The following CDH20 variants were observed in gnomAD, a reference collection of about 807,000 sequenced individuals.
CDH20 encodes the protein cadherin 20.
CDH20 carries 29 observed loss-of-function variants against 74.2 expected under a neutral mutation model. That is an observed-to-expected ratio of 0.39 (90% confidence interval 0.29 to 0.53). CDH20 has a LOEUF of 0.53. CDH20 is among the 20% of genes least tolerant of loss of function. CDH20 has a pLI of 0.69. For missense variants in CDH20, 988 were observed against 1,048.3 expected (o/e 0.94, Z 0.79); for synonymous variants, 469 against 405.4 (o/e 1.16, Z -1.88).
intron 1 of CDH20, among the ~76,000 whole-genome samples, chr18:61,460,700 A>G (rs1056244125): frequency 4.6e-5 from 7 of 152,168 alleles, no homozygotes. Flanking sequence ...CTCAAAATAA[A>G]TTTGAGACTT....
rs201850290 is a variant in CDH20 at position 61,490,771 on chromosome 18, C to T, written c.218C>T (p.Thr73Ile). The T allele has an allele frequency of 1.9e-6, 3 of 1,614,150 alleles. No individual in the cohort carries two copies. Among genetic ancestry groups the T allele is most frequent in the East Asian group, 2.2e-5 (1 of 44,878 alleles). The change falls in exon 2 of 12, where the codon ACT (threonine) becomes ATT (isoleucine). Residue 73 changes from threonine to isoleucine, a missense_variant. This residue lies in a region of CDH20 where 613 missense variants were observed against 755.2 expected (regional missense o/e 0.81). Coordinates refer to ENST00000262717, the MANE Select transcript of CDH20 (RefSeq NM_031891.4). Reference protein sequence around the residue: ...WNQFFVLEEYTGTDPLYVGKL... With the variant: ...WNQFFVLEEYIGTDPLYVGKL... ...CAGTTTTTCGTTCTGGAAGAGTACA[C>T]TGGGACCGACCCTTTGTATGTCGGC...
chr18:61,342,808 G>T (rs1024853320), intron 1 of CDH20, among the ~76,000 whole-genome samples: 2 of 152,044 alleles, frequency 1.3e-5, no homozygotes, highest in Non-Finnish European at 2.9e-5. Context: ...AGTTCCCATG[G>T]TTACATCAGC....
intron 1 of CDH20, among the ~76,000 whole-genome samples, chr18:61,388,602 A>G (rs1471924382): frequency 2.6e-5 from 4 of 152,196 alleles, no homozygotes; most frequent in Non-Finnish European, 5.9e-5. Context: ...CTCACAGCTC[A>G]TTATTTTTCA....
chr18:61,357,462 A>G (rs1910531422), intron 1 of CDH20, among the ~76,000 whole-genome samples: 1 of 152,178 alleles, frequency 6.6e-6, no homozygotes, highest in African/African-American at 2.4e-5. Flanking sequence ...CTGCTCAACA[A>G]AATCATTAAG....
rs150072548 is a variant in CDH20, at chr18:61,499,212, C to T, written c.273C>T (p.Asp91=). ...GKLHSDMDRG[D]GSIKYILSGE... ...TTCATTCAGATATGGACAGGGGAGA[C>T]GGATCCATCAAATACATCCTCTCGG... Residue 91 remains aspartate (D), a synonymous_variant, in exon 3 of 12, where the codon GAC becomes GAT. Coordinates refer to ENST00000262717, the MANE Select transcript of CDH20 (RefSeq NM_031891.4). 5.5e-5 allele frequency: 88 copies of T among 1,598,344 alleles called. No homozygotes were observed. Among genetic ancestry groups the T allele is most frequent in the Middle Eastern group, 3.3e-4 (2 of 5,992 alleles).
chr18:61,481,683 A>G (rs771936366), intron 1 of CDH20, among the ~76,000 whole-genome samples: 1 of 152,136 alleles, frequency 6.6e-6, no homozygotes, highest in East Asian at 1.9e-4. Flanking sequence ...GCCATTGCCC[A>G]TACACATTAG....
intron 1 of CDH20, among the ~76,000 whole-genome samples, chr18:61,488,701 G>A (rs921745954): frequency 9.3e-6 from 1 of 107,906 alleles, no homozygotes; most frequent in African/African-American, 3.6e-5. Context: ...ACAGCATTCT[G>A]GCAGTGGCTT....
At chr18:61,406,748 A>T (rs1051227244) in intron 1 of CDH20, among the ~76,000 whole-genome samples, 2 of 152,222 alleles carry the variant, frequency 1.3e-5, no homozygotes, top group Non-Finnish European at 2.9e-5. Flanking sequence ...GGAGGAATTC[A>T]GGCAGAGGAT....
chr18:61,333,823 G>C lies in CDH20; in HGVS notation c.-157G>C, dbSNP rs1446267388. On this transcript the variant is annotated 5_prime_UTR_variant, in exon 1 of 12. Transcript: ENST00000262717. ...AGGTCTCCGGAGAGTCGCCGGCGGT[G>C]CCAGGTAACGCAGAGGGCTCGGGTC... The C allele has an allele frequency of 6.6e-6, 1 of 152,216 alleles. No homozygotes were observed. Among genetic ancestry groups the C allele is most frequent in the Non-Finnish European group, 1.5e-5 (1 of 68,100 alleles). The allele number at this position is 152,216 out of a possible 1,614,324, so 9.4% of individuals were successfully genotyped here.
intron 10 of CDH20, among the ~76,000 whole-genome samples, chr18:61,546,961 CAGG>C (rs1279932038): frequency 6.6e-6 from 1 of 152,152 alleles, no homozygotes; most frequent in Non-Finnish European, 1.5e-5. Flanking sequence ...GAGGCTGAGG[CAGG>C]AGAACTGCTT....
At chr18:61,369,516 G>A (rs930835618) in intron 1 of CDH20, among the ~76,000 whole-genome samples, 1 of 152,064 alleles carries the variant, frequency 6.6e-6, no homozygotes, top group African/African-American at 2.4e-5. Context: ...TATATTCCAT[G>A]TTTATATTGT....
chr18:61,472,793 G>A (rs1466610017), intron 1 of CDH20, among the ~76,000 whole-genome samples: 1 of 152,112 alleles, frequency 6.6e-6, no homozygotes, highest in East Asian at 1.9e-4. Flanking sequence ...TCTTTATCTC[G>A]ACTTGATTTG....
intron 2 of CDH20, among the ~76,000 whole-genome samples, chr18:61,497,001 C>T (rs547484796): frequency 6.6e-6 from 1 of 151,170 alleles, no homozygotes; most frequent in East Asian, 1.9e-4. Context: ...TTGTTTGTGC[C>T]CAGGTCCAAA....
At chr18:61,438,450 G>T (rs924514344) in intron 1 of CDH20, among the ~76,000 whole-genome samples, 2 of 152,098 alleles carry the variant, frequency 1.3e-5, no homozygotes, top group African/African-American at 2.4e-5. Flanking sequence ...GACAGGCAGA[G>T]GTTACCTTTA....
At chr18:61,470,580 G>T (rs186382624) in intron 1 of CDH20, among the ~76,000 whole-genome samples, 1 of 151,528 alleles carries the variant, frequency 6.6e-6, no homozygotes, top group African/African-American at 2.4e-5. Flanking sequence ...ACGCCTTAAC[G>T]GGAAAAAGAG....
At chr18:61,377,418 T>C (rs1911274288) in intron 1 of CDH20, among the ~76,000 whole-genome samples, 2 of 151,606 alleles carry the variant, frequency 1.3e-5, no homozygotes, top group South Asian at 4.2e-4. Flanking sequence ...GCCACATAAG[T>C]TTCCATTACT....
At position 61,532,775 on chromosome 18, in the gene CDH20, C is replaced by T. The variant is rs570363209; in HGVS notation, c.1272-3718C>T. On this transcript the variant is annotated intron_variant, in intron 7 of 11. Coordinates refer to ENST00000262717, the MANE Select transcript of CDH20 (RefSeq NM_031891.4). ...ATTCCCTCCAAAATTGCTGCTTCTC[C>T]GTCTCTACAACGTTAAGATATGGAT... 6.6e-5 allele frequency among the ~76,000 whole-genome samples: 10 copies of T among 152,220 alleles called. No homozygotes were observed. In the East Asian group the frequency reaches 1.7e-3, roughly 26 times the overall value.
intron 1 of CDH20, among the ~76,000 whole-genome samples, chr18:61,336,184 G>A (rs1209084449): frequency 6.6e-6 from 1 of 152,196 alleles, no homozygotes; most frequent in Non-Finnish European, 1.5e-5. Flanking sequence ...GAAAGCAGTT[G>A]AGCAGCATAG....
At chr18:61,392,135 C>T (rs953484772) in intron 1 of CDH20, among the ~76,000 whole-genome samples, 1 of 152,122 alleles carries the variant, frequency 6.6e-6, no homozygotes, top group Non-Finnish European at 1.5e-5. Context: ...TCTTGCCTCT[C>T]TCTCCCACTT....
Sources: allele counts gnomAD v4.1 joint callset (sites outside exome capture counted in the v4.1 genomes callset), GRCh38; gene constraint gnomAD v4.1.1; regional missense constraint gnomAD v4.1.1; transcripts MANE v1.5; gene names NCBI Gene and HGNC (gene_info 2026-07-23, HGNC 2026-07-21).